Variants in SP110 observed in about 807,000 individuals in gnomAD.
The protein encoded by SP110 is interferon-induced protein 41, 30kD.
SP110 carries 62 observed loss-of-function variants against 92.7 expected under a neutral mutation model. That is an observed-to-expected ratio of 0.67 (90% confidence interval 0.55 to 0.83). SP110 has a LOEUF of 0.83. Ranked by LOEUF, SP110 falls within the 40% of genes least tolerant of loss-of-function variation. The pLI is 0.00. For synonymous variants in SP110, 273 were observed against 305.3 expected, an observed-to-expected ratio of 0.89 and a Z score of 1.10; for missense variants, 793 against 863.9, an observed-to-expected ratio of 0.92 and a Z score of 1.03.
rs2078491081 is a variant in SP110 at position 230,173,044 on chromosome 2, T to C, written c.1591-85A>G. 3 of 920,614 alleles carry C rather than the reference T, an allele frequency of 3.3e-6. No individual in the cohort carries two copies. In the South Asian group the frequency reaches 4.1e-5, roughly 13 times the overall value. The allele number at this position is 920,614 out of a possible 1,614,324, so 57.0% of individuals were successfully genotyped here. On this transcript the variant is annotated intron_variant, in intron 14 of 18. Transcript: ENST00000258381. ...TGTGGGGTTCTAGAACACATCATTT[T>C]TGTGTGTGCCAGAGTGGATATCCAA...
In SP110 at chr2:230,211,267, T is replaced by C. The variant is rs142168070; in HGVS notation, c.751+203A>G. Among the ~76,000 whole-genome samples, 358 of 152,262 alleles carry C rather than the reference T, an allele frequency of 2.4e-3. No homozygotes were observed. Among genetic ancestry groups the C allele is most frequent in the African/African-American group, 8.4e-3 (349 of 41,556 alleles). ...CTACCTTTTCCAGACTTGCCTCCTT[T>C]GCCCTCCCCCAGGGACTCTGTATCC... On this transcript the variant is annotated intron_variant, in intron 6 of 18. Coordinates refer to ENST00000258381, the MANE Select transcript of SP110 (RefSeq NM_080424.4). This position sits in a 1 kb window ranked among gnomAD's most constrained non-coding sequence, Gnocchi z 4.2.
In SP110 at chr2:230,219,946, G is replaced by C. The variant is rs1220598620; in HGVS notation, c.-74C>G. ...GGGATCACTCCTCAAGATTGGGAGA[G>C]TTACAGGGAGATGCTAGCAGGCAAA... On this transcript the variant is annotated 5_prime_UTR_variant, in exon 1 of 19. Coordinates refer to ENST00000258381, the MANE Select transcript of SP110 (RefSeq NM_080424.4). The C allele has an allele frequency of 6.1e-6, 6 of 985,474 alleles. No individual in the cohort carries two copies. Among genetic ancestry groups the C allele is most frequent in the Admixed American group, 6.1e-5 (1 of 16,270 alleles). 61.0% of individuals were successfully genotyped at this position (985,474 alleles called of 1,614,324 possible). A position where few individuals can be genotyped will look rare whatever the true frequency, so the allele number is the denominator to read the frequency against.
intron 8 of SP110, among the ~76,000 whole-genome samples, chr2:230,206,285 T>C (rs1033436907): frequency 1.3e-5 from 2 of 152,036 alleles, no homozygotes; most frequent in African/African-American, 4.8e-5. Flanking sequence ...AAAATTTTTC[T>C]TAAATTTTCC....
At chr2:230,195,004 T>C (rs1224284525) in intron 10 of SP110, among the ~76,000 whole-genome samples, 1 of 151,908 alleles carries the variant, frequency 6.6e-6, no homozygotes, top group Non-Finnish European at 1.5e-5. Flanking sequence ...AGGGGCCTGA[T>C]AAACACCAAG....
Position 230,183,642 on chromosome 2 carries a change from T to C in SP110, c.1280-2A>G. 1 of 1,495,770 alleles carries C rather than the reference T, an allele frequency of 6.7e-7. No homozygotes were observed. The highest frequency in any genetic ancestry group is 9.3e-7 in the Non-Finnish European group (1 of 1,071,978). The allele number at this position is 1,495,770 out of a possible 1,614,324, so 92.7% of individuals were successfully genotyped here. A position where few individuals can be genotyped will look rare whatever the true frequency, so the allele number is the denominator to read the frequency against. Reference sequence around the variant, plus strand: ...AGATATCTTTCTCCTTTTTCTTTTCTAAACACAGAATTAATAATCACTTAT... The same window carrying C: ...AGATATCTTTCTCCTTTTTCTTTTCCAAACACAGAATTAATAATCACTTAT... On this transcript the variant is annotated splice_acceptor_variant, in intron 11 of 18. Transcript: ENST00000258381. LOFTEE classifies it high-confidence loss of function.
chr2:230,202,724 T>C lies in SP110; in HGVS notation c.903A>G (p.Thr301=). ...RHKKKSLPGG[T]ASSRHGIQKK... Reference sequence around the variant, plus strand: ...TTTGGATTCCGTGTCTAGATGAGGCTGTCCCTGGACCAAATAATGACTTGT... The same window carrying C: ...TTTGGATTCCGTGTCTAGATGAGGCCGTCCCTGGACCAAATAATGACTTGT... The change falls in exon 9 of 19, where the codon ACA becomes ACG. Residue 301 remains threonine (T), a synonymous_variant. Transcript: ENST00000258381. 1 of 1,614,190 alleles carries C rather than the reference T, an allele frequency of 6.2e-7. No homozygotes were observed. Among genetic ancestry groups the C allele is most frequent in the African/African-American group, 1.3e-5 (1 of 75,058 alleles).
chr2:230,207,347 T>C lies in SP110; in HGVS notation c.898+644A>G, dbSNP rs183714102. 1.4e-4 allele frequency among the ~76,000 whole-genome samples: 21 copies of C among 152,314 alleles called. No individual in the cohort carries two copies. In the East Asian group the frequency reaches 4.0e-3, roughly 29 times the overall value. On this transcript the variant is annotated intron_variant, in intron 8 of 18. Coordinates refer to ENST00000258381, the MANE Select transcript of SP110 (RefSeq NM_080424.4). ...ATATTGCTCTGGCTGATAAGCTGGT[T>C]GTGAATATCAGTAAAGAATTATTTT...
intron 17 of SP110, 79 bp from the exon 18 acceptor site, chr2:230,170,840 C>A (rs1167698200): frequency 1.5e-5 from 21 of 1,428,210 alleles, no homozygotes; most frequent in Non-Finnish European, 2.0e-5. Context: ...ACAATCCAAG[C>A]CTTCATTTCC....
At chr2:230,179,257 C>T (rs2042011602) in intron 12 of SP110, among the ~76,000 whole-genome samples, 1 of 152,086 alleles carries the variant, frequency 6.6e-6, no homozygotes, top group Non-Finnish European at 1.5e-5. Flanking sequence ...GATGTGATCC[C>T]CCCGACAGAA....
rs2042223301 is a variant in SP110, at chr2:230,183,574, C to T, written c.1346G>A (p.Arg449Lys). Residue 449 changes from arginine to lysine, a missense_variant and splice_region_variant, in exon 12 of 19, where the codon AGA becomes AAA. Arg to Lys is a conservative substitution (Grantham distance 26). Coordinates refer to ENST00000258381, the MANE Select transcript of SP110 (RefSeq NM_080424.4). Reference protein sequence around the residue: ...KRRFQKNIHRRGKPKSDTVDF... With the variant: ...KRRFQKNIHRKGKPKSDTVDF... ...GGCGCTGTGGCTTGCTTGCTTACCT[C>T]TTCGGTGAATATTTTTCTGAAATCT... 6.2e-7 allele frequency: 1 copy of T among 1,609,186 alleles called. No homozygotes were observed. Among genetic ancestry groups the T allele is most frequent in the South Asian group, 1.1e-5 (1 of 91,002 alleles).
At chr2:230,203,658 G>A (rs929976650) in intron 8 of SP110, 1 of 152,094 alleles carries the variant, frequency 6.6e-6, no homozygotes, top group Admixed American at 6.5e-5. Context: ...GGAGGGTTTC[G>A]GAGATGAGAA....
At chr2:230,188,690 T>C (rs1379802948) in intron 10 of SP110, among the ~76,000 whole-genome samples, 1 of 152,178 alleles carries the variant, frequency 6.6e-6, no homozygotes, top group Non-Finnish European at 1.5e-5. Flanking sequence ...AGGATCTTTA[T>C]CTAAAGGGAT....
At position 230,214,931 on chromosome 2, in the gene SP110, A is replaced by G. The variant is rs370519378; in HGVS notation, c.316+19T>C. On this transcript the variant is annotated intron_variant, in intron 3 of 18. Transcript: ENST00000258381. ...TAGCAACTTTTTAAATGCAAAAAGC[A>G]CTTGAGAAATCTCATTACCACGTTT... is the stretch of plus-strand genomic sequence containing the variant. The G allele has an allele frequency of 1.2e-5, 19 of 1,610,540 alleles. No individual in the cohort carries two copies. In the African/African-American group the frequency reaches 2.5e-4, roughly 22 times the overall value.
At chr2:230,203,693 G>A (rs1243186094) in intron 8 of SP110, 4 of 151,854 alleles carry the variant, frequency 2.6e-5, no homozygotes, top group Non-Finnish European at 5.9e-5. Flanking sequence ...ATGAGAGTGT[G>A]GTATGTATAT....
chr2:230,197,824 T>G (rs1330606937), intron 10 of SP110, among the ~76,000 whole-genome samples: 2 of 152,164 alleles, frequency 1.3e-5, no homozygotes, highest in East Asian at 3.8e-4. Context: ...ATAATTTTCT[T>G]TTTCTTTGTT....
chr2:230,171,987 A>G (rs1219091324), intron 16 of SP110, 79 bp downstream of exon 16: 1 of 940,944 alleles, frequency 1.1e-6, no homozygotes, highest in African/African-American at 1.6e-5. Context: ...CCTTTGGTAC[A>G]TTGCCCTGAC....
chr2:230,198,887 C>T (rs2042998062), intron 10 of SP110, among the ~76,000 whole-genome samples: 1 of 152,146 alleles, frequency 6.6e-6, no homozygotes, highest in Admixed American at 6.5e-5. Context: ...TAGCAAATTA[C>T]TATCTGTGAC....
At chr2:230,206,286 TAAATTTTCCAGTGATTCTTTGTGACC>T (rs2043791255) in intron 8 of SP110, among the ~76,000 whole-genome samples, 4 of 152,004 alleles carry the variant, frequency 2.6e-5, no homozygotes, top group Admixed American at 2.6e-4. Context: ...AAATTTTTCT[TAAATTTTCCAGTGATTCTTTGTGACC>T]AAACTCAAGG....
Position 230,165,566 on chromosome 2 carries a change from C to T in SP110, c.*3558G>A. Among the ~76,000 whole-genome samples the T allele has an allele frequency of 6.6e-6, 1 of 151,610 alleles. No individual in the cohort carries two copies. Among genetic ancestry groups the T allele is most frequent in the East Asian group, 1.9e-4 (1 of 5,184 alleles). On this transcript the variant is annotated 3_prime_UTR_variant, in exon 19 of 19. Transcript: ENST00000258381. ...ACATAATATAATTGAATAGAATAAA[C>T]ATTATAGAGTAAAAGCAAAAAAATT...
Sources: allele counts gnomAD v4.1 joint callset (sites outside exome capture counted in the v4.1 genomes callset), GRCh38; gene constraint gnomAD v4.1.1; non-coding constraint Gnocchi (gnomAD v3.1); transcripts MANE v1.5; gene names NCBI Gene and HGNC (gene_info 2026-07-23, HGNC 2026-07-21).